NMD3: variants seen among roughly 807,000 people sequenced by gnomAD.
NMD3 encodes NMD3 ribosome export adaptor.
A neutral mutation model predicts 73.1 loss-of-function variants in NMD3; 47 were observed. That is an observed-to-expected ratio of 0.64 (90% confidence interval 0.51 to 0.82). The LOEUF is 0.82. Among genes scored for constraint, NMD3 ranks in the 40% least tolerant of loss-of-function variants. The pLI, the probability that NMD3 is intolerant of heterozygous loss-of-function variation, is 0.00. For synonymous variants in NMD3, 210 were observed against 194.5 expected (o/e 1.08, Z -0.66); for missense variants, 554 against 612.5 (o/e 0.90, Z 1.01).
chr3:161,228,297 C>A (rs945762958), intron 4 of NMD3, among the ~76,000 whole-genome samples: 1 of 152,042 alleles, frequency 6.6e-6, no homozygotes, highest in Non-Finnish European at 1.5e-5. Flanking sequence ...CCCAGCCAAC[C>A]CCACAAATTT....
intron 11 of NMD3, 45 bp from the exon 12 acceptor site, chr3:161,246,291 A>G: frequency 2.9e-6 from 2 of 688,672 alleles, no homozygotes; most frequent in East Asian, 2.8e-5. Flanking sequence ...ATGCTTTTAG[A>G]GTTATGTTTA....
At chr3:161,229,673 A>G (rs888415950) in intron 4 of NMD3, among the ~76,000 whole-genome samples, 1 of 152,222 alleles carries the variant, frequency 6.6e-6, no homozygotes, top group Non-Finnish European at 1.5e-5. Flanking sequence ...GAGTTTACAT[A>G]GAGAAGGAAA....
At chr3:161,231,122 A>G (rs1736528012) in intron 4 of NMD3, among the ~76,000 whole-genome samples, 1 of 152,234 alleles carries the variant, frequency 6.6e-6, no homozygotes, top group Non-Finnish European at 1.5e-5. Flanking sequence ...GTGAAATAAG[A>G]GAGGGAACAA....
chr3:161,249,376 T>C (rs1439046932), intron 13 of NMD3, 78 bp from the exon 14 acceptor site: 12 of 879,540 alleles, frequency 1.4e-5, no homozygotes, highest in Non-Finnish European at 2.2e-5. Context: ...AGTTTGGTCA[T>C]TTTTTAGCTT....
chr3:161,222,750 A>C (rs561506247), intron 2 of NMD3, among the ~76,000 whole-genome samples: 103 of 152,348 alleles, frequency 6.8e-4, no homozygotes, highest in Middle Eastern at 3.4e-3. Context: ...TAAACATTGT[A>C]GTCCTTCTGT....
At position 161,251,013 on chromosome 3, in the gene NMD3, TAGTTTTAAACC is replaced by T. The variant is rs1737467377; in HGVS notation, c.*104_*114del. On this transcript the variant is annotated 3_prime_UTR_variant, in exon 16 of 16. Coordinates refer to ENST00000351193, the MANE Select transcript of NMD3 (RefSeq NM_015938.5). ...CCTCCAGATTTCAAGAGGAGAAATTTAGTTTTAAACCTGAATAAACATGTTTGTTTTCAGTG... is the reference window on the plus strand; with the variant it reads ...CCTCCAGATTTCAAGAGGAGAAATTTTGAATAAACATGTTTGTTTTCAGTG... The T allele has an allele frequency of 2.2e-6, 2 of 914,680 alleles. No individual in the cohort carries two copies. The highest frequency in any genetic ancestry group is 3.3e-5 in the African/African-American group (2 of 60,180). The allele number at this position is 914,680 out of a possible 1,614,324, so 56.7% of individuals were successfully genotyped here. A position where few individuals can be genotyped will look rare whatever the true frequency, so the allele number is the denominator to read the frequency against.
In NMD3 at chr3:161,251,969, T is replaced by C. The variant is rs1373320952; in HGVS notation, c.*1059T>C. 6.6e-6 allele frequency: 1 copy of C among 152,246 alleles called. No individual in the cohort carries two copies. The highest frequency in any genetic ancestry group is 6.5e-5 in the Admixed American group (1 of 15,288). 9.4% of individuals were successfully genotyped at this position (152,246 alleles called of 1,614,324 possible). On this transcript the variant is annotated 3_prime_UTR_variant, in exon 16 of 16. Transcript: ENST00000351193. Reference sequence around the variant, plus strand: ...CCGCAAGTAAGAGCTAATTCATTCATTCCATGTGTGCCACTAAATAAAGAG... The same window carrying C: ...CCGCAAGTAAGAGCTAATTCATTCACTCCATGTGTGCCACTAAATAAAGAG...
At chr3:161,230,920 T>A (rs980265176) in intron 4 of NMD3, among the ~76,000 whole-genome samples, 1 of 152,130 alleles carries the variant, frequency 6.6e-6, no homozygotes, top group Non-Finnish European at 1.5e-5. Flanking sequence ...GAAATAGTCC[T>A]CTAGAACTAG....
intron 2 of NMD3, among the ~76,000 whole-genome samples, chr3:161,224,015 T>C (rs934610812): frequency 6.6e-6 from 1 of 152,210 alleles, no homozygotes; most frequent in African/African-American, 2.4e-5. Context: ...AAATGTTATC[T>C]TTATGGATAG....
chr3:161,249,965 G>T (rs1737413719), intron 14 of NMD3, among the ~76,000 whole-genome samples: 1 of 152,072 alleles, frequency 6.6e-6, no homozygotes, highest in Non-Finnish European at 1.5e-5. Flanking sequence ...AGTACTTATG[G>T]CTTGAGATAA....
chr3:161,241,001 T>C, intron 9 of NMD3, 45 bp from the exon 10 acceptor site: 1 of 1,216,470 alleles, frequency 8.2e-7, no homozygotes. Flanking sequence ...TATTGGACTG[T>C]TATTTAGGAT....
intron 4 of NMD3, among the ~76,000 whole-genome samples, chr3:161,231,694 G>T (rs893749294): frequency 2.0e-5 from 3 of 152,148 alleles, no homozygotes; most frequent in Non-Finnish European, 2.9e-5. Flanking sequence ...ATAGCTGTCT[G>T]GTGCCTGGTC....
rs781518343 is a variant in NMD3 at position 161,224,980 on chromosome 3, G to C, written c.95G>C (p.Cys32Ser). 1.2e-6 allele frequency: 2 copies of C among 1,613,802 alleles called. No individual in the cohort carries two copies. The highest frequency in any genetic ancestry group is 1.3e-5 in the African/African-American group (1 of 74,874). The change falls in exon 3 of 16, where the codon TGT becomes TCT. Residue 32 changes from cysteine to serine, a missense_variant. Coordinates refer to ENST00000351193, the MANE Select transcript of NMD3 (RefSeq NM_015938.5). The part of the protein sequence containing the change: ...VPISPNPANI[C>S]VACLRSKVDI... Reference sequence around the variant, plus strand: ...ATAAGTCCAAATCCTGCCAATATTTGTGTGGCCTGTTTGCGAAGTAAAGTG... The same window carrying C: ...ATAAGTCCAAATCCTGCCAATATTTCTGTGGCCTGTTTGCGAAGTAAAGTG...
intron 13 of NMD3, among the ~76,000 whole-genome samples, chr3:161,247,650 G>A (rs532910653): frequency 2.0e-5 from 3 of 151,768 alleles, no homozygotes; most frequent in Non-Finnish European, 2.9e-5. Context: ...TTAGCCAGGC[G>A]TGGTAGTGCA....
At chr3:161,238,230 T>A in intron 8 of NMD3, 39 bp downstream of exon 8, 1 of 1,246,542 alleles carries the variant, frequency 8.0e-7, no homozygotes, top group Non-Finnish European at 1.1e-6. Context: ...ATCTAAGGAC[T>A]TGGGAATGGA....
intron 4 of NMD3, among the ~76,000 whole-genome samples, chr3:161,230,008 T>C (rs950108517): frequency 4.6e-5 from 7 of 152,162 alleles, no homozygotes; most frequent in Non-Finnish European, 7.3e-5. Flanking sequence ...AGAAGGAAGA[T>C]AGACAGTTCT....
rs374527896 is a variant in NMD3 at position 161,238,141 on chromosome 3, A to G, written c.606A>G (p.Lys202=). 2.5e-6 allele frequency: 4 copies of G among 1,605,746 alleles called. No homozygotes were observed. Among genetic ancestry groups the G allele is most frequent in the Middle Eastern group, 1.7e-4 (1 of 5,988 alleles). ...GTCTGGATTTTTATTATTCCTCAAA[A>G]CAACATGCTCAGAAGATGGTCGAAT... ...HDGLDFYYSS[K]QHAQKMVEFL... is the part of the protein sequence containing the mutation. Residue 202 remains lysine, a synonymous_variant, in exon 8 of 16, where the codon AAA becomes AAG. Transcript: ENST00000351193.
chr3:161,250,673 CATAATA>C lies in NMD3; in HGVS notation c.1382-101_1382-96del, dbSNP rs535524164. On this transcript the variant is annotated intron_variant, in intron 15 of 15. Transcript: ENST00000351193. ...AAGAGCTTCTGATACAATGTAGTTA[CATAATA>C]ATAATGATAAGGTAGATATTTGTAT... The C allele has an allele frequency of 7.2e-4, 494 of 684,170 alleles. 8 individuals are homozygous for C. In the South Asian group the frequency reaches 0.011, roughly 15 times the overall value. 42.4% of individuals were successfully genotyped at this position (684,170 alleles called of 1,614,324 possible). A position where few individuals can be genotyped will look rare whatever the true frequency, so the allele number is the denominator to read the frequency against.
Position 161,251,899 on chromosome 3 carries a change from A to T in NMD3, c.*989A>T, listed in dbSNP as rs1488897552. The T allele has an allele frequency of 6.6e-6, 1 of 152,254 alleles. No individual in the cohort carries two copies. The highest frequency in any genetic ancestry group is 1.5e-5 in the Non-Finnish European group (1 of 68,046). The allele number at this position is 152,254 out of a possible 1,614,324, so 9.4% of individuals were successfully genotyped here. On this transcript the variant is annotated 3_prime_UTR_variant, in exon 16 of 16. Coordinates refer to ENST00000351193, the MANE Select transcript of NMD3 (RefSeq NM_015938.5). ...TTTTGAAGTATTCTGAGAATGAAGT[A>T]TTAAGATCCAATTTCTATAAGCAAG...
Sources: gnomAD v4.1 joint callset for allele counts (sites outside exome capture counted in the v4.1 genomes callset) on GRCh38, gnomAD v4.1.1 for gene constraint, MANE v1.5 for transcripts, NCBI Gene and HGNC (gene_info 2026-07-23, HGNC 2026-07-21) for gene names.